Variants in ZNF600 observed in about 807,000 individuals in gnomAD.
ZNF600 encodes the protein zinc finger protein KR-ZNF1.
ZNF600 carries 4 observed loss-of-function variants against 7.3 expected under a neutral mutation model. The ratio of observed to expected loss-of-function variants is 0.55; its 90% CI spans 0.27 to 1.25. The LOEUF (loss-of-function observed/expected upper bound fraction) is 1.25. ZNF600 is among the 50% of genes most tolerant of loss of function. The probability of loss-of-function intolerance (pLI) is 0.12; values close to 1 mark genes in which losing one functional copy is unlikely to be tolerated. For missense variants in ZNF600, 911 were observed against 922.1 expected (o/e 0.99, Z 0.16); for synonymous variants, 290 against 308.9 (o/e 0.94, Z 0.64).
chr19:52,766,879 G>A lies in ZNF600; in HGVS notation c.1084C>T (p.Arg362Cys), dbSNP rs758073515. 1.3e-5 allele frequency: 21 copies of A among 1,613,864 alleles called. No homozygotes were observed. The Admixed American group carries it at 1.8e-4, about 14-fold the overall frequency. The change falls in exon 4 of 4, where the codon CGT becomes TGT. Residue 362 changes from arginine (R) to cysteine (C), a missense_variant. Transcript: ENST00000648973. ...GGTTTCTCTCCAGTATGAATTCTACGATGACGTGCAAGGTTTGATTGCTGA... is the reference window on the plus strand; with the variant it reads ...GGTTTCTCTCCAGTATGAATTCTACAATGACGTGCAAGGTTTGATTGCTGA...
chr19:52,809,822 AGGCGGC>A, the ZNF600 span: 4 of 527,222 alleles, frequency 7.6e-6, no homozygotes, highest in East Asian at 3.3e-5. Flanking sequence ...TGAGCGGCGA[AGGCGGC>A]GGCGGCGGCG....
chr19:52,805,600 C>T, the ZNF600 span: 6 of 150,964 alleles, frequency 4.0e-5, no homozygotes, highest in Non-Finnish European at 8.9e-5. Flanking sequence ...GCACTCCGGC[C>T]TGGGCGACAG....
chr19:52,789,973 G>A (rs982410960), upstream of ZNF600, among the ~76,000 whole-genome samples: 24 of 152,130 alleles, frequency 1.6e-4, no homozygotes, highest in East Asian at 7.7e-4. Context: ...AGGAGTGGGG[G>A]TCACAAGGTG....
the ZNF600 span, among the ~76,000 whole-genome samples, chr19:52,830,988 G>A: frequency 2.2e-4 from 34 of 151,182 alleles, 1 homozygote; most frequent in South Asian, 6.3e-4. Flanking sequence ...TTACAATACA[G>A]GCAAGGGACA....
At chr19:52,790,167 T>A (rs966585502), upstream of ZNF600, among the ~76,000 whole-genome samples, 11 of 152,214 alleles carry the variant, frequency 7.2e-5, no homozygotes, top group African/African-American at 2.2e-4. Flanking sequence ...CATCTGGGCG[T>A]ATACGTGCAA....
the ZNF600 span, chr19:52,798,079 G>C: frequency 1.9e-5 from 3 of 155,114 alleles, no homozygotes; most frequent in East Asian, 5.7e-4. Context: ...TCAAGATCAT[G>C]CCACTGCACT....
chr19:52,796,221 CAG>C, the ZNF600 span, among the ~76,000 whole-genome samples: 1 of 152,116 alleles, frequency 6.6e-6, no homozygotes, highest in African/African-American at 2.4e-5. Context: ...GGTCTGGGGA[CAG>C]GGGGAATCTA....
the ZNF600 span, chr19:52,800,221 G>C: frequency 6.2e-7 from 1 of 1,613,256 alleles, no homozygotes; most frequent in South Asian, 1.1e-5. Flanking sequence ...TGAAGTTTAT[G>C]ATGACATGCA....
chr19:52,821,977 T>C, the ZNF600 span, among the ~76,000 whole-genome samples: 2 of 151,592 alleles, frequency 1.3e-5, no homozygotes, highest in East Asian at 3.9e-4. Flanking sequence ...AACATTACTC[T>C]TTTCCGTGTG....
chr19:52,767,711 C>A (rs1372702576), exon 4 of ZNF600: 2 of 1,612,332 alleles, frequency 1.2e-6, no homozygotes, highest in African/African-American at 2.7e-5. Context: ...CTGTGTGGAT[C>A]ACTTCTGTAT....
At chr19:52,801,236 T>C in the ZNF600 span, 7 of 1,614,052 alleles carry the variant, frequency 4.3e-6, no homozygotes, top group Admixed American at 6.7e-5. Context: ...TCCGTTTTTG[T>C]GTGAGTAATG....
chr19:52,789,446 T>C (rs1238006441), upstream of ZNF600, among the ~76,000 whole-genome samples: 2 of 152,242 alleles, frequency 1.3e-5, no homozygotes, highest in East Asian at 3.8e-4. Flanking sequence ...CATGTAACTT[T>C]CTCTTCTATA....
At chr19:52,805,452 C>T in the ZNF600 span, 1 of 151,148 alleles carries the variant, frequency 6.6e-6, no homozygotes, top group Non-Finnish European at 1.5e-5. Flanking sequence ...CATGGTGGAA[C>T]CCCATCTCTA....
At chr19:52,831,378 C>T in the ZNF600 span, among the ~76,000 whole-genome samples, 10 of 151,924 alleles carry the variant, frequency 6.6e-5, no homozygotes, top group Admixed American at 3.9e-4. Flanking sequence ...GGTGTGATCT[C>T]GGCTCACTGC....
At chr19:52,822,331 C>T in the ZNF600 span, among the ~76,000 whole-genome samples, 1 of 152,048 alleles carries the variant, frequency 6.6e-6, no homozygotes, top group African/African-American at 2.4e-5. Context: ...CTTGGCCTCC[C>T]CAAGTGCTGG....
upstream of ZNF600, among the ~76,000 whole-genome samples, chr19:52,787,863 AAAAAAAAAG>A (rs1179903392): frequency 1.0e-5 from 1 of 98,652 alleles, no homozygotes; most frequent in Non-Finnish European, 2.4e-5. Context: ...ACGTCTCAAA[AAAAAAAAAG>A]AAAAAGAAAA....
upstream of ZNF600, among the ~76,000 whole-genome samples, chr19:52,787,393 C>T (rs1056235969): frequency 1.3e-5 from 2 of 150,132 alleles, no homozygotes. Context: ...CTCTCTCTCG[C>T]TCTTTTACTT....
At chr19:52,805,643 A>AAATAAATAAATAAATAAATAAAT in the ZNF600 span, 1 of 140,302 alleles carries the variant, frequency 7.1e-6, no homozygotes, top group Non-Finnish European at 1.5e-5. Context: ...AATAATAATA[A>AAATAAATAAATAAATAAATAAAT]AAATAAATAA....
chr19:52,810,004 T>C, the ZNF600 span: 1 of 760,084 alleles, frequency 1.3e-6, no homozygotes, highest in Non-Finnish European at 2.3e-6. Flanking sequence ...CCTGAGGAGC[T>C]GCTGTTGGAG....
Sources: gnomAD v4.1 joint callset for allele counts (sites outside exome capture counted in the v4.1 genomes callset) on GRCh38, gnomAD v4.1.1 for gene constraint, MANE v1.5 for transcripts, NCBI Gene and HGNC (gene_info 2026-07-23, HGNC 2026-07-21) for gene names.